Variants in RAI14 observed in about 807,000 individuals in gnomAD.
The protein encoded by RAI14 is ankycorbin.
Under a neutral mutation model 115.4 loss-of-function variants are expected in RAI14, and 45 were observed. The ratio of observed to expected loss-of-function variants is 0.39; its 90% confidence interval spans 0.31 to 0.50. RAI14 has a LOEUF of 0.50. Ranked by LOEUF, RAI14 falls within the 20% of genes least tolerant of loss-of-function variation. The probability of loss-of-function intolerance (pLI) is 0.85; values close to 1 mark genes in which losing one functional copy is unlikely to be tolerated. For missense variants in RAI14, 939 were observed against 1,131.2 expected, an observed-to-expected ratio of 0.83 and a Z score of 2.44; for synonymous variants, 371 against 415.4, an observed-to-expected ratio of 0.89 and a Z score of 1.30.
intron 3 of RAI14, among the ~76,000 whole-genome samples, chr5:34,767,422 G>A (rs1462007786): frequency 2.0e-5 from 3 of 152,214 alleles, no homozygotes; most frequent in East Asian, 1.9e-4. Flanking sequence ...GCACTCAGCC[G>A]CTATCACACT....
At chr5:34,658,775 C>T (rs955319158) in intron 1 of RAI14, among the ~76,000 whole-genome samples, 3 of 151,870 alleles carry the variant, frequency 2.0e-5, no homozygotes, top group Admixed American at 2.0e-4. Flanking sequence ...TCCAACCTGG[C>T]GACAGAGCAA....
chr5:34,668,286 C>T (rs1304708083), intron 1 of RAI14, among the ~76,000 whole-genome samples: 1 of 151,778 alleles, frequency 6.6e-6, no homozygotes, highest in Non-Finnish European at 1.5e-5. Flanking sequence ...CCCAGATTCT[C>T]GAGAGGCTGA....
intron 2 of RAI14, among the ~76,000 whole-genome samples, chr5:34,730,916 G>A (rs1443090853): frequency 2.6e-5 from 4 of 152,228 alleles, no homozygotes; most frequent in African/African-American, 4.8e-5. Context: ...CTGGTAGGTG[G>A]AGGTTGCAGT....
At chr5:34,775,381 A>C (rs1217211989) in intron 3 of RAI14, among the ~76,000 whole-genome samples, 1 of 152,206 alleles carries the variant, frequency 6.6e-6, no homozygotes, top group Non-Finnish European at 1.5e-5. Context: ...ATTAACAACC[A>C]GTATATAAGG....
At chr5:34,697,189 C>T (rs1739357351) in intron 2 of RAI14, among the ~76,000 whole-genome samples, 1 of 151,994 alleles carries the variant, frequency 6.6e-6, no homozygotes, top group East Asian at 1.9e-4. Context: ...GTAATCCCAG[C>T]ACTTTGGGAG....
At chr5:34,692,363 A>C (rs554769788) in intron 2 of RAI14, among the ~76,000 whole-genome samples, 1 of 152,234 alleles carries the variant, frequency 6.6e-6, no homozygotes, top group African/African-American at 2.4e-5. Flanking sequence ...ATTTATAATA[A>C]GTTTTTACAA....
intron 2 of RAI14, among the ~76,000 whole-genome samples, chr5:34,707,986 A>G (rs944798734): frequency 6.6e-6 from 1 of 152,208 alleles, no homozygotes; most frequent in African/African-American, 2.4e-5. Context: ...AGAGAAAGAA[A>G]GGAAGGAAGT....
chr5:34,793,612 A>G (rs1753178829), intron 3 of RAI14, among the ~76,000 whole-genome samples: 1 of 152,160 alleles, frequency 6.6e-6, no homozygotes, highest in African/African-American at 2.4e-5. Flanking sequence ...TACATGTTAT[A>G]TTTCAATCAA....
At chr5:34,686,178 C>T (rs1278024966) in intron 1 of RAI14, among the ~76,000 whole-genome samples, 2 of 152,158 alleles carry the variant, frequency 1.3e-5, no homozygotes, top group African/African-American at 4.8e-5. Context: ...TGAGGAATGA[C>T]TTGAACATAG....
At chr5:34,789,500 C>T (rs1752685707) in intron 3 of RAI14, among the ~76,000 whole-genome samples, 1 of 152,196 alleles carries the variant, frequency 6.6e-6, no homozygotes, top group South Asian at 2.1e-4. Flanking sequence ...TTAGACAAGG[C>T]TGGTCTTGGA....
chr5:34,782,520 G>T (rs900337403), intron 3 of RAI14, among the ~76,000 whole-genome samples: 1 of 152,158 alleles, frequency 6.6e-6, no homozygotes, highest in Non-Finnish European at 1.5e-5. Flanking sequence ...GGTGTGCCTG[G>T]GATGCTTTAA....
chr5:34,788,768 G>A (rs1004042303), intron 3 of RAI14, among the ~76,000 whole-genome samples: 12 of 151,996 alleles, frequency 7.9e-5, no homozygotes, highest in African/African-American at 2.7e-4. Context: ...TCAGGAGTTC[G>A]AGACCAGCCT....
rs367637412 is a variant in RAI14 at position 34,664,345 on chromosome 5, A to T, written c.-49+7870A>T. 8.6e-5 allele frequency among the ~76,000 whole-genome samples: 13 copies of T among 150,346 alleles called. 1 individual carries two copies. The highest frequency in any genetic ancestry group is 6.0e-4 in the Admixed American group (9 of 14,970). On this transcript the variant is annotated intron_variant, in intron 1 of 17. Transcript: ENST00000265109. ...CATATCTACTTTAAAAAAAAAAAGT[A>T]TATTTATATTGCAGTGAGCCAAGAT...
At chr5:34,708,581 G>A (rs1400134735) in intron 2 of RAI14, among the ~76,000 whole-genome samples, 4 of 152,084 alleles carry the variant, frequency 2.6e-5, no homozygotes, top group Non-Finnish European at 2.9e-5. Flanking sequence ...CAACTAATTA[G>A]CCTGCGTCTT....
intron 2 of RAI14, among the ~76,000 whole-genome samples, chr5:34,710,330 A>G (rs572854876): frequency 2.0e-5 from 3 of 152,018 alleles, no homozygotes; most frequent in Non-Finnish European, 2.9e-5. Context: ...CTGTCCTTAC[A>G]TGGTCATCTT....
intron 11 of RAI14, among the ~76,000 whole-genome samples, chr5:34,813,884 T>C (rs751044963): frequency 2.6e-5 from 4 of 152,238 alleles, no homozygotes; most frequent in Non-Finnish European, 5.9e-5. Context: ...TAGAATCGAA[T>C]AGCCTCTTTT....
At chr5:34,762,214 T>A (rs759273878) in intron 3 of RAI14, among the ~76,000 whole-genome samples, 1 of 152,176 alleles carries the variant, frequency 6.6e-6, no homozygotes, top group African/African-American at 2.4e-5. Flanking sequence ...TTAACTTGGA[T>A]TCAGAGGGGA....
intron 12 of RAI14, among the ~76,000 whole-genome samples, chr5:34,815,639 T>C (rs1756143540): frequency 6.6e-6 from 1 of 152,010 alleles, no homozygotes; most frequent in Admixed American, 6.6e-5. Flanking sequence ...AGAATGATAA[T>C]TGGGGGAGTG....
chr5:34,665,392 A>G (rs1435718091), intron 1 of RAI14, among the ~76,000 whole-genome samples: 2 of 150,704 alleles, frequency 1.3e-5, no homozygotes, highest in Non-Finnish European at 3.0e-5. Context: ...AGTGATAGAC[A>G]CTCAGAAAAC....
Sources: allele counts gnomAD v4.1 joint callset (sites outside exome capture counted in the v4.1 genomes callset), GRCh38; gene constraint gnomAD v4.1.1; transcripts MANE v1.5; gene names NCBI Gene and HGNC (gene_info 2026-07-23, HGNC 2026-07-21).